The following PRUNE2 variants were observed in gnomAD, a reference collection of about 807,000 sequenced individuals.
The protein encoded by PRUNE2 is protein prune homolog 2.
In PRUNE2, 164 loss-of-function variants were observed where a neutral mutation model predicts 252.0. That is an observed-to-expected ratio of 0.65 (90% CI 0.57 to 0.74). The LOEUF (loss-of-function observed/expected upper bound fraction) is 0.74, where lower values mean the gene tolerates loss of function less well. Among genes scored for constraint, PRUNE2 ranks in the 30% least tolerant of loss-of-function variants. The probability of loss-of-function intolerance (pLI) is 0.00; values close to 1 mark genes in which losing one functional copy is unlikely to be tolerated. For missense variants in PRUNE2, 3,495 were observed against 3,711.0 expected, an observed-to-expected ratio of 0.94 and a Z score of 1.51; for synonymous variants, 1,292 against 1,350.2, an observed-to-expected ratio of 0.96 and a Z score of 0.94.
At chr9:76,801,169 T>C (rs920979596) in intron 6 of PRUNE2, among the ~76,000 whole-genome samples, 7 of 152,258 alleles carry the variant, frequency 4.6e-5, no homozygotes, top group African/African-American at 7.2e-5. Context: ...AATATTTTAA[T>C]TGAATGATGT....
At chr9:76,733,247 T>G (rs1412064409) in intron 6 of PRUNE2, among the ~76,000 whole-genome samples, 3 of 152,152 alleles carry the variant, frequency 2.0e-5, no homozygotes, top group Non-Finnish European at 2.9e-5. Context: ...TGGACTGAAG[T>G]GCTACTGCAC....
chr9:76,807,949 G>T (rs924981284), intron 6 of PRUNE2, among the ~76,000 whole-genome samples: 4 of 152,100 alleles, frequency 2.6e-5, no homozygotes, highest in African/African-American at 9.7e-5. Context: ...AGGCTGAGGC[G>T]GGTGGATCAC....
chr9:76,897,024 C>T (rs2062861461), intron 1 of PRUNE2, among the ~76,000 whole-genome samples: 1 of 152,208 alleles, frequency 6.6e-6, no homozygotes, highest in Non-Finnish European at 1.5e-5. Flanking sequence ...TGAGAACAAT[C>T]TCACAATGTA....
At chr9:76,836,771 C>T (rs1016302034) in intron 4 of PRUNE2, among the ~76,000 whole-genome samples, 3 of 152,158 alleles carry the variant, frequency 2.0e-5, no homozygotes, top group Non-Finnish European at 4.4e-5. Flanking sequence ...ACATTTTGGT[C>T]ATAGATGAGT....
At position 76,706,737 on chromosome 9, in the gene PRUNE2, CT is replaced by C; in HGVS notation, c.5536del (p.Arg1846GlyfsTer12). 1 of 1,612,812 alleles carries C rather than the reference CT, an allele frequency of 6.2e-7. No homozygotes were observed. The highest frequency in any genetic ancestry group is 8.5e-7 in the Non-Finnish European group (1 of 1,179,358). On this transcript the variant is annotated frameshift_variant, in exon 8 of 19. Transcript: ENST00000376718. LOFTEE classifies it high-confidence loss of function. The stretch of plus-strand genomic sequence containing the variant: ...CACACCACTGGAGTCAGACAGCTCC[CT>C]TTCAAATGGACTTTCAATTAGTCTC... The part of the protein sequence containing the change: ...EGRLIESPFE[R>X]ELSDSSGVLE...
At chr9:76,632,786 C>G (rs1247696008) in intron 15 of PRUNE2, among the ~76,000 whole-genome samples, 2 of 152,160 alleles carry the variant, frequency 1.3e-5, no homozygotes, top group Non-Finnish European at 2.9e-5. Flanking sequence ...ATCTTGAACC[C>G]CTTGCCTCAA....
intron 1 of PRUNE2, among the ~76,000 whole-genome samples, chr9:76,886,568 C>T (rs1278647019): frequency 2.0e-5 from 3 of 152,198 alleles, no homozygotes; most frequent in Non-Finnish European, 4.4e-5. Flanking sequence ...TCCTTTCTGC[C>T]CTTGCTTGGA....
intron 9 of PRUNE2, chr9:76,692,155 A>C: frequency 1.4e-6 from 1 of 717,414 alleles, no homozygotes; most frequent in East Asian, 2.7e-5. Context: ...TCTTCTGAGC[A>C]GTTAACTGGA....
intron 6 of PRUNE2, among the ~76,000 whole-genome samples, chr9:76,791,575 T>C (rs1268233650): frequency 9.2e-5 from 13 of 141,568 alleles, no homozygotes; most frequent in Non-Finnish European, 1.2e-4. Flanking sequence ...CCAATTATCA[T>C]TGGTACAATA....
chr9:76,804,994 C>T (rs1479229344), intron 6 of PRUNE2, among the ~76,000 whole-genome samples: 4 of 152,180 alleles, frequency 2.6e-5, no homozygotes, highest in Admixed American at 2.6e-4. Context: ...GGCCAGTCTC[C>T]TTCCTCACTC....
intron 6 of PRUNE2, among the ~76,000 whole-genome samples, chr9:76,778,076 T>C (rs2053993002): frequency 6.6e-6 from 1 of 152,196 alleles, no homozygotes; most frequent in African/African-American, 2.4e-5. Context: ...GCACATTAGA[T>C]TTATTCTAAG....
intron 6 of PRUNE2, among the ~76,000 whole-genome samples, chr9:76,753,199 T>C (rs1589025260): frequency 6.6e-6 from 1 of 151,956 alleles, no homozygotes; most frequent in East Asian, 1.9e-4. Context: ...CTGGCTAATT[T>C]TTGTATTTTT....
intron 15 of PRUNE2, among the ~76,000 whole-genome samples, chr9:76,633,922 G>A (rs547395538): frequency 6.6e-6 from 1 of 152,166 alleles, no homozygotes; most frequent in South Asian, 2.1e-4. Flanking sequence ...AGACCAGCTT[G>A]GACAACATGA....
chr9:76,883,397 A>G (rs1214402854), intron 1 of PRUNE2, among the ~76,000 whole-genome samples: 1 of 152,170 alleles, frequency 6.6e-6, no homozygotes. Context: ...TGTTCTCTCT[A>G]CCTTGGAAAA....
At chr9:76,815,074 A>G (rs1479236169) in intron 6 of PRUNE2, among the ~76,000 whole-genome samples, 1 of 152,176 alleles carries the variant, frequency 6.6e-6, no homozygotes, top group Non-Finnish European at 1.5e-5. Flanking sequence ...AAGGAGAGTC[A>G]GTGGAGATTT....
At chr9:76,894,716 GCA>G (rs900773542) in intron 1 of PRUNE2, among the ~76,000 whole-genome samples, 11 of 110,710 alleles carry the variant, frequency 9.9e-5, no homozygotes, top group African/African-American at 8.9e-4. Context: ...ATTTTCTGCA[GCA>G]AAAAAAAAAA....
intron 6 of PRUNE2, among the ~76,000 whole-genome samples, chr9:76,803,228 T>C (rs2056687092): frequency 6.6e-6 from 1 of 152,238 alleles, no homozygotes; most frequent in Non-Finnish European, 1.5e-5. Flanking sequence ...AGGGTGGTGA[T>C]ACATTGCCTT....
At chr9:76,676,077 C>CAAAAACAA (rs2042518755) in intron 9 of PRUNE2, among the ~76,000 whole-genome samples, 38 of 148,092 alleles carry the variant, frequency 2.6e-4, no homozygotes, top group Non-Finnish European at 5.2e-4. Context: ...AAAAAAAAAC[C>CAAAAACAA]AAAAACAAAA....
Position 76,633,748 on chromosome 9 carries a change from G to A in PRUNE2, c.9050+2723C>T, listed in dbSNP as rs138888332. Among the ~76,000 whole-genome samples, 8 of 152,154 alleles carry A rather than the reference G, an allele frequency of 5.3e-5. No homozygotes were observed. In the East Asian group the frequency reaches 1.5e-3, roughly 29 times the overall value. Reference sequence around the variant, plus strand: ...GAATCTTTATAAACAATGTTTGCTGGTTCCTGCTTTAGACAATTTATTTGA... The same window carrying A: ...GAATCTTTATAAACAATGTTTGCTGATTCCTGCTTTAGACAATTTATTTGA... On this transcript the variant is annotated intron_variant, in intron 15 of 18. Transcript: ENST00000376718.
Sources: allele counts gnomAD v4.1 joint callset (sites outside exome capture counted in the v4.1 genomes callset), GRCh38; gene constraint gnomAD v4.1.1; transcripts MANE v1.5; gene names NCBI Gene and HGNC (gene_info 2026-07-23, HGNC 2026-07-21).